Variants in CATSPERB observed in about 807,000 individuals in gnomAD.
CATSPERB encodes the protein catsper channel auxiliary subunit beta.
CATSPERB carries 93 observed loss-of-function variants against 128.3 expected under a neutral mutation model. The observed-to-expected ratio is 0.72, with a 90% confidence interval of 0.61 to 0.86. The LOEUF (loss-of-function observed/expected upper bound fraction) is 0.86. Ranked by LOEUF, CATSPERB falls within the 40% of genes least tolerant of loss-of-function variation. The pLI, the probability that CATSPERB is intolerant of heterozygous loss-of-function variation, is 0.00. For synonymous variants in CATSPERB, 381 were observed against 448.8 expected, an observed-to-expected ratio of 0.85 and a Z score of 1.91; for missense variants, 1,153 against 1,329.5, an observed-to-expected ratio of 0.87 and a Z score of 2.06.
intron 14 of CATSPERB, among the ~76,000 whole-genome samples, chr14:91,667,161 A>G (rs998510665): frequency 3.3e-5 from 5 of 152,232 alleles, no homozygotes; most frequent in African/African-American, 7.2e-5. Context: ...CTAATCCTAC[A>G]TGCCCATGCT....
At chr14:91,601,404 C>A (rs990314478) in intron 22 of CATSPERB, among the ~76,000 whole-genome samples, 4 of 152,102 alleles carry the variant, frequency 2.6e-5, no homozygotes, top group African/African-American at 7.2e-5. Context: ...AGTTACTCTC[C>A]AAACAACATA....
intron 22 of CATSPERB, among the ~76,000 whole-genome samples, chr14:91,595,305 TATTTATTTATTTTTA>T (rs1319351061): frequency 3.3e-5 from 5 of 151,224 alleles, no homozygotes; most frequent in South Asian, 2.1e-4. Flanking sequence ...TTTATTTATT[TATTTATTTATTTTTA>T]ATTTATTTAT....
chr14:91,729,845 G>C (rs964193067), intron 1 of CATSPERB, among the ~76,000 whole-genome samples: 7 of 152,188 alleles, frequency 4.6e-5, no homozygotes, highest in African/African-American at 1.7e-4. Flanking sequence ...TGACAACGTT[G>C]CTTTTGGGGA....
At chr14:91,637,824 T>C (rs1894404862) in intron 16 of CATSPERB, among the ~76,000 whole-genome samples, 1 of 152,198 alleles carries the variant, frequency 6.6e-6, no homozygotes, top group Non-Finnish European at 1.5e-5. Context: ...ATTTAAACTT[T>C]CACATAAGGG....
At chr14:91,703,584 G>C (rs1006741546) in intron 7 of CATSPERB, among the ~76,000 whole-genome samples, 1 of 152,140 alleles carries the variant, frequency 6.6e-6, no homozygotes, top group East Asian at 1.9e-4. Flanking sequence ...AAGTGGGGAG[G>C]GTGTGGAGAC....
At chr14:91,652,670 C>CAAAA (rs58608847) in intron 15 of CATSPERB, among the ~76,000 whole-genome samples, 27 of 69,216 alleles carry the variant, frequency 3.9e-4, no homozygotes, top group Non-Finnish European at 5.0e-4. Flanking sequence ...GACTCTGTCT[C>CAAAA]AAAAAAAAAA....
rs529687658 is a variant in CATSPERB, at chr14:91,731,111, AT to A, written c.-1+818del. Among the ~76,000 whole-genome samples the A allele has an allele frequency of 2.2e-4, 33 of 152,344 alleles. 1 individual carries two copies. The South Asian group carries it at 6.6e-3, about 31-fold the overall frequency. Reference sequence around the variant, plus strand: ...TCACTTTGCTAAACATTCAAATTAAATGATACAACACCATTATTAGAATCTT... The same window carrying A: ...TCACTTTGCTAAACATTCAAATTAAAGATACAACACCATTATTAGAATCTT... On this transcript the variant is annotated intron_variant, in intron 1 of 26. Transcript: ENST00000256343.
intron 7 of CATSPERB, among the ~76,000 whole-genome samples, chr14:91,700,425 A>G (rs2139851413): frequency 6.6e-6 from 1 of 152,170 alleles, no homozygotes; most frequent in East Asian, 1.9e-4. Context: ...GCTTCATAGA[A>G]TGAGTTAGGG....
intron 22 of CATSPERB, among the ~76,000 whole-genome samples, chr14:91,599,386 C>G (rs1432629329): frequency 1.3e-5 from 2 of 151,818 alleles, no homozygotes; most frequent in African/African-American, 4.8e-5. Flanking sequence ...GGTGAAACCC[C>G]GTCTCTACTA....
At chr14:91,624,415 C>T (rs556051456) in intron 18 of CATSPERB, among the ~76,000 whole-genome samples, 5 of 152,334 alleles carry the variant, frequency 3.3e-5, no homozygotes, top group East Asian at 1.9e-4. Context: ...AGCCAGGAGG[C>T]GGAGGTTGCA....
chr14:91,639,009 C>T, intron 16 of CATSPERB, 87 bp downstream of exon 16: 1 of 1,210,498 alleles, frequency 8.3e-7, no homozygotes, highest in Non-Finnish European at 1.2e-6. Context: ...AAGGAAAATA[C>T]TTTCCCATTT....
At chr14:91,612,324 A>T (rs1174935363) in intron 20 of CATSPERB, among the ~76,000 whole-genome samples, 1 of 152,106 alleles carries the variant, frequency 6.6e-6, no homozygotes, top group Non-Finnish European at 1.5e-5. Flanking sequence ...AAATTTTTTT[A>T]AATTTTTATA....
In CATSPERB at chr14:91,695,336, G is replaced by A. The variant is rs143269089; in HGVS notation, c.617-1857C>T. Reference sequence around the variant, plus strand: ...GGTAGGGACAGGGTTTTGCCATGTTGGCTAGGCTGGTCTTGAACTCCTGAT... The same window carrying A: ...GGTAGGGACAGGGTTTTGCCATGTTAGCTAGGCTGGTCTTGAACTCCTGAT... On this transcript the variant is annotated intron_variant, in intron 7 of 26. Coordinates refer to ENST00000256343, the MANE Select transcript of CATSPERB (RefSeq NM_024764.4). Among the ~76,000 whole-genome samples, 949 of 152,068 alleles carry A rather than the reference G, an allele frequency of 6.2e-3. 8 individuals carry two copies. Among genetic ancestry groups the A allele is most frequent in the African/African-American group, 0.022 (908 of 41,488 alleles).
chr14:91,670,316 A>G (rs936200766), intron 13 of CATSPERB, among the ~76,000 whole-genome samples: 4 of 152,224 alleles, frequency 2.6e-5, no homozygotes, highest in African/African-American at 9.6e-5. Flanking sequence ...TGCCTAAGCC[A>G]CACCCCAGTT....
At chr14:91,590,650 G>T (rs77813316) in intron 23 of CATSPERB, among the ~76,000 whole-genome samples, 104,799 of 150,082 alleles carry the variant, frequency 0.7, 36,905 homozygotes, top group East Asian at 0.96. Flanking sequence ...TTTTTTGTTT[G>T]TTTGTTTTGT....
In CATSPERB at chr14:91,617,724, A is replaced by G; in HGVS notation, c.2273T>C (p.Leu758Pro). ...AAACACAGTCAGTAGTGGTATTTCA[A>G]GCATTCGAAAACCTATGGAAACAAG... ...VIRNAKGFRM[L>P]EIPLLTVFVG... The change falls in exon 20 of 27, where the codon CTT becomes CCT. Residue 758 changes from leucine (L) to proline (P), a missense_variant. Transcript: ENST00000256343. 1.9e-6 allele frequency: 3 copies of G among 1,597,916 alleles called. No individual in the cohort carries two copies. The highest frequency in any genetic ancestry group is 2.6e-6 in the Non-Finnish European group (3 of 1,174,778).
At chr14:91,584,112 T>C (rs898371979) in intron 26 of CATSPERB, among the ~76,000 whole-genome samples, 2 of 152,100 alleles carry the variant, frequency 1.3e-5, no homozygotes, top group African/African-American at 4.8e-5. Context: ...TCGCCCAGGC[T>C]GGATGAAGTG....
intron 10 of CATSPERB, among the ~76,000 whole-genome samples, chr14:91,687,647 T>C (rs906929735): frequency 1.3e-5 from 2 of 152,152 alleles, no homozygotes; most frequent in African/African-American, 2.4e-5. Context: ...TTGGCTAAGA[T>C]GTCTCTGTTC....
At chr14:91,719,936 A>T (rs1566740601) in intron 4 of CATSPERB, among the ~76,000 whole-genome samples, 1 of 152,210 alleles carries the variant, frequency 6.6e-6, no homozygotes, top group Non-Finnish European at 1.5e-5. Context: ...TGGGCAATAA[A>T]GGTGCAAAGG....
Sources: allele counts gnomAD v4.1 joint callset (sites outside exome capture counted in the v4.1 genomes callset), GRCh38; gene constraint gnomAD v4.1.1; transcripts MANE v1.5; gene names NCBI Gene and HGNC (gene_info 2026-07-23, HGNC 2026-07-21).